Variants in OVGP1 observed in about 807,000 individuals in gnomAD.
OVGP1 encodes the protein oviductal glycoprotein 1, also known as oviduct-specific glycoprotein.
A neutral mutation model predicts 48.2 loss-of-function variants in OVGP1; 26 were observed. The ratio of observed to expected loss-of-function variants is 0.54; its 90% CI spans 0.40 to 0.75. OVGP1 has a LOEUF of 0.75. Ranked by LOEUF, OVGP1 falls within the 30% of genes least tolerant of loss-of-function variation. The probability of loss-of-function intolerance (pLI) is 0.00; values close to 1 mark genes in which losing one functional copy is unlikely to be tolerated. For missense variants in OVGP1, 791 were observed against 820.6 expected, an observed-to-expected ratio of 0.96 and a Z score of 0.44; for synonymous variants, 294 against 305.7, an observed-to-expected ratio of 0.96 and a Z score of 0.40.
At chr1:111,416,016 G>C (rs1571352382) in intron 10 of OVGP1, among the ~76,000 whole-genome samples, 1 of 152,164 alleles carries the variant, frequency 6.6e-6, no homozygotes, top group African/African-American at 2.4e-5. Context: ...AAGAGAAAGA[G>C]AGAAATAAAT....
chr1:111,416,260 G>A, intron 10 of OVGP1, 63 bp downstream of exon 10: 1 of 1,418,088 alleles, frequency 7.1e-7, no homozygotes, highest in Non-Finnish European at 9.3e-7. Flanking sequence ...TCTAGCAGAA[G>A]GGCCTTACCC....
chr1:111,427,122 A>G (rs1652419385), intron 1 of OVGP1, 31 bp from the exon 2 acceptor site: 1 of 1,614,000 alleles, frequency 6.2e-7, no homozygotes, highest in Non-Finnish European at 8.5e-7. Flanking sequence ...AGTCACACAG[A>G]GATTCATACC....
Position 111,423,560 on chromosome 1 carries a change from A to G in OVGP1, c.466T>C (p.Phe156Leu), listed in dbSNP as rs767223196. The change falls in exon 5 of 11, where the codon TTT becomes CTT. Residue 156 changes from phenylalanine to leucine, a missense_variant. Transcript: ENST00000369732. The part of the protein sequence containing the change: ...RGSPMHDRWT[F>L]LFLIEELLFA... ...AGACTTACTTCAATTAAGAAGAGAA[A>G]AGTCCACCGGTCATGCATGGGGCTG... 1.9e-6 allele frequency: 3 copies of G among 1,613,902 alleles called. No homozygotes were observed. Among genetic ancestry groups the G allele is most frequent in the African/African-American group, 1.3e-5 (1 of 74,894 alleles).
intron 5 of OVGP1, among the ~76,000 whole-genome samples, 176 bp downstream of exon 5, chr1:111,423,367 C>T (rs1191144982): frequency 2.0e-5 from 3 of 152,114 alleles, no homozygotes; most frequent in East Asian, 1.9e-4. Context: ...CCAGGTGCAG[C>T]GAAAAGAGCA....
rs748696065 is a variant in OVGP1 at position 111,415,181 on chromosome 1, T to C, written c.1320A>G (p.Glu440=). 6.2e-7 allele frequency: 1 copy of C among 1,614,184 alleles called. No homozygotes were observed. The highest frequency in any genetic ancestry group is 1.1e-5 in the South Asian group (1 of 91,076). ...AGVTEIHGKC[E]NMTITPRGTT... Reference sequence around the variant, plus strand: ...TACCTCTAGGGGTTATAGTCATATTTTCACACTTTCCGTGGATCTCAGTGA... The same window carrying C: ...TACCTCTAGGGGTTATAGTCATATTCTCACACTTTCCGTGGATCTCAGTGA... The change falls in exon 11 of 11, where the codon GAA becomes GAG. Residue 440 remains glutamate, a synonymous_variant. Coordinates refer to ENST00000369732, the MANE Select transcript of OVGP1 (RefSeq NM_002557.4).
intron 10 of OVGP1, 31 bp downstream of exon 10, chr1:111,416,292 C>A: frequency 1.3e-6 from 2 of 1,532,332 alleles, no homozygotes; most frequent in African/African-American, 1.4e-5. Context: ...ATGCAACTTC[C>A]AACCCCAGCT....
At position 111,426,530 on chromosome 1, in the gene OVGP1, A is replaced by G. The variant is rs1652401442; in HGVS notation, c.167T>C (p.Phe56Ser). The G allele has an allele frequency of 6.2e-7, 1 of 1,614,018 alleles. No homozygotes were observed. Among genetic ancestry groups the G allele is most frequent in the Admixed American group, 1.7e-5 (1 of 60,000 alleles). ...LDPFLCTHLI[F>S]AFASMNNNQI... Reference sequence around the variant, plus strand: ...ATTGTTGTTCATTGAGGCAAAGGCAAATATCAGGTGGGTGCAGAGAAAGGG... The same window carrying G: ...ATTGTTGTTCATTGAGGCAAAGGCAGATATCAGGTGGGTGCAGAGAAAGGG... Residue 56 changes from phenylalanine (F) to serine (S), a missense_variant, in exon 3 of 11, where the codon TTT becomes TCT. Transcript: ENST00000369732.
intron 8 of OVGP1, 95 bp from the exon 9 acceptor site, chr1:111,419,821 A>G (rs1337397192): frequency 3.9e-6 from 3 of 768,446 alleles, no homozygotes; most frequent in Non-Finnish European, 6.8e-6. Flanking sequence ...GAATCCAAGA[A>G]TCCCTAACCA....
intron 10 of OVGP1, 22 bp from the exon 11 acceptor site, chr1:111,415,366 G>C (rs369295369): frequency 1.9e-6 from 3 of 1,588,158 alleles, no homozygotes; most frequent in African/African-American, 2.7e-5. Context: ...CAACAGAAAA[G>C]AATGAGATTC....
intron 9 of OVGP1, 140 bp from the exon 10 acceptor site, chr1:111,416,598 T>C: frequency 1.6e-6 from 1 of 609,824 alleles, no homozygotes. Flanking sequence ...ATCTAGCTTT[T>C]ACTGTTTATT....
At position 111,426,618 on chromosome 1, in the gene OVGP1, A is replaced by T. The variant is rs548358967; in HGVS notation, c.79T>A (p.Tyr27Asn). The part of the protein sequence containing the change: ...HDGAAHKLVC[Y>N]FTNWAHSRPG... The stretch of plus-strand genomic sequence containing the variant: ...CGACTGTGTGCCCAGTTGGTGAAAT[A>T]ACACACGAGTTTATGGGCAGCACCT... The change falls in exon 3 of 11, where the codon TAT becomes AAT. Residue 27 changes from tyrosine (Y) to asparagine (N), a missense_variant. Tyr to Asn is a moderately radical substitution (Grantham distance 143, BLOSUM62 -2). Coordinates refer to ENST00000369732, the MANE Select transcript of OVGP1 (RefSeq NM_002557.4). 5.6e-6 allele frequency: 9 copies of T among 1,614,072 alleles called. No homozygotes were observed. In the South Asian group the frequency reaches 9.9e-5, roughly 18 times the overall value.
intron 9 of OVGP1, among the ~76,000 whole-genome samples, chr1:111,416,884 G>A (rs1354790812): frequency 7.9e-5 from 12 of 152,172 alleles, no homozygotes; most frequent in Admixed American, 7.9e-4. Flanking sequence ...GTTGCCAGGG[G>A]ACGTGGGAAG....
Position 111,414,903 on chromosome 1 carries a change from G to GACTGATGACTCACAGGGC in OVGP1, c.1597_1598insGCCCTGTGAGTCATCAGT (p.Thr533delinsSerProValSerHisGlnSer), listed in dbSNP as rs762106438. 8 of 758,504 alleles carry GACTGATGACTCACAGGGC rather than the reference G, an allele frequency of 1.1e-5. No individual in the cohort carries two copies. In the African/African-American group the frequency reaches 2.3e-4, roughly 22 times the overall value. The allele number at this position is 758,504 out of a possible 1,614,324, so 47.0% of individuals were successfully genotyped here. A position where few individuals can be genotyped will look rare whatever the true frequency, so the allele number is the denominator to read the frequency against. Reference sequence around the variant, plus strand: ...GCTCACAGACTGATGACTCACAGGGGTCACAGACTGATGACCCACAGGGGT... The same window carrying GACTGATGACTCACAGGGC: ...GCTCACAGACTGATGACTCACAGGGGACTGATGACTCACAGGGCTCACAGACTGATGACCCACAGGGGT... On this transcript the variant is annotated protein_altering_variant, in exon 11 of 11. Coordinates refer to ENST00000369732, the MANE Select transcript of OVGP1 (RefSeq NM_002557.4).
chr1:111,421,725 A>G (rs1423629469), intron 6 of OVGP1, 52 bp from the exon 7 acceptor site: 2 of 1,108,850 alleles, frequency 1.8e-6, no homozygotes, highest in Non-Finnish European at 1.4e-6. Context: ...CAGATTTTCA[A>G]GTCAGAGCAT....
At position 111,427,705 on chromosome 1, in the gene OVGP1, A is replaced by T; in HGVS notation, c.17T>A (p.Leu6Gln). ...GGACCTGCCACACTCACCAACCCACAGCAACAGCTTCCACATCTCAATGGT... is the reference window on the plus strand; with the variant it reads ...GGACCTGCCACACTCACCAACCCACTGCAACAGCTTCCACATCTCAATGGT... MWKLL[L>Q]WVGLVLVLKH... Residue 6 changes from leucine (L) to glutamine (Q), a missense_variant, in exon 1 of 11, where the codon CTG becomes CAG. Physicochemically the swap from Leu to Gln is moderately radical, Grantham distance 113. Transcript: ENST00000369732. 1 of 1,613,228 alleles carries T rather than the reference A, an allele frequency of 6.2e-7. No individual in the cohort carries two copies. Among genetic ancestry groups the T allele is most frequent in the Non-Finnish European group, 8.5e-7 (1 of 1,179,888 alleles).
Position 111,421,297 on chromosome 1 carries a change from T to G in OVGP1, c.882A>C (p.Glu294Asp), listed in dbSNP as rs754071967. 6.2e-7 allele frequency: 1 copy of G among 1,609,470 alleles called. No individual in the cohort carries two copies. The highest frequency in any genetic ancestry group is 1.1e-5 in the South Asian group (1 of 90,148). Residue 294 changes from glutamate to aspartate, a missense_variant, in exon 8 of 11, where the codon GAA (glutamate) becomes GAC (aspartate). Glu to Asp is a conservative substitution (Grantham distance 45). Coordinates refer to ENST00000369732, the MANE Select transcript of OVGP1 (RefSeq NM_002557.4). ...PASPGKYTKQ[E>D]GFLAYFEICS... ...TCACCTCAAAATAAGCCAAGAAGCC[T>G]TCTTGCTTGGTGTACTTCCCTGGAG...
rs759467656 is a variant in OVGP1, at chr1:111,421,487, C to T, written c.718-26G>A. ...CTGCAGGTAAGAAGAATCCAGACTC[C>T]TCCTTGTTACTAAGAGCCAATGGCC... On this transcript the variant is annotated intron_variant, in intron 7 of 10. Transcript: ENST00000369732. The T allele has an allele frequency of 6.8e-6, 11 of 1,608,758 alleles. No homozygotes were observed. In the Admixed American group the frequency reaches 1.0e-4, roughly 15 times the overall value.
chr1:111,423,144 T>C, intron 5 of OVGP1, 93 bp from the exon 6 acceptor site: 1 of 1,514,732 alleles, frequency 6.6e-7, no homozygotes, highest in Non-Finnish European at 9.0e-7. Flanking sequence ...ACTGAGCTCC[T>C]GAGCCAGGCT....
At chr1:111,421,249 C>T in intron 8 of OVGP1, 27 bp downstream of exon 8, 1 of 1,573,780 alleles carries the variant, frequency 6.4e-7, no homozygotes, top group South Asian at 1.2e-5. Flanking sequence ...GTCCTAACTG[C>T]TAGACAGAGA....
Sources: gnomAD v4.1 joint callset for allele counts (sites outside exome capture counted in the v4.1 genomes callset) on GRCh38, gnomAD v4.1.1 for gene constraint, MANE v1.5 for transcripts, NCBI Gene and HGNC (gene_info 2026-07-23, HGNC 2026-07-21) for gene names.